CFAP20DC: variants seen among roughly 807,000 people sequenced by gnomAD.
CFAP20DC encodes protein CFAP20DC.
CFAP20DC carries 84 observed loss-of-function variants against 101.7 expected under a neutral mutation model. The ratio of observed to expected loss-of-function variants is 0.83; its 90% CI spans 0.69 to 0.99. The LOEUF is 0.99. Among genes scored for constraint, CFAP20DC ranks in the 50% least tolerant of loss-of-function variants. CFAP20DC has a pLI of 0.00. For missense variants in CFAP20DC, 1,007 were observed against 970.3 expected, an observed-to-expected ratio of 1.04 and a Z score of -0.50; for synonymous variants, 359 against 351.2, an observed-to-expected ratio of 1.02 and a Z score of -0.25.
At chr3:58,769,016 C>A (rs1253470863) in intron 15 of CFAP20DC, among the ~76,000 whole-genome samples, 1 of 152,174 alleles carries the variant, frequency 6.6e-6, no homozygotes, top group African/African-American at 2.4e-5. Context: ...CAAATGGAAC[C>A]GTATGAATAC....
chr3:59,028,180 C>T (rs2093926122), intron 4 of CFAP20DC, among the ~76,000 whole-genome samples: 1 of 152,134 alleles, frequency 6.6e-6, no homozygotes, highest in Non-Finnish European at 1.5e-5. Flanking sequence ...ACCTTATCCA[C>T]AGGCATATGA....
Position 58,866,467 on chromosome 3 carries a change from C to T in CFAP20DC, c.1258+99G>A, listed in dbSNP as rs573753073. The T allele has an allele frequency of 1.6e-5, 15 of 945,466 alleles. No homozygotes were observed. In the East Asian group the frequency reaches 1.9e-4, roughly 12 times the overall value. The allele number at this position is 945,466 out of a possible 1,614,324, so 58.6% of individuals were successfully genotyped here. A position where few individuals can be genotyped will look rare whatever the true frequency, so the allele number is the denominator to read the frequency against. Reference sequence around the variant, plus strand: ...CACAAACTTACACATTTTAGCAAATCGGCTGCATCACCACTTTTCAAAATG... The same window carrying T: ...CACAAACTTACACATTTTAGCAAATTGGCTGCATCACCACTTTTCAAAATG... On this transcript the variant is annotated intron_variant, in intron 11 of 16. Coordinates refer to ENST00000482387, the MANE Select transcript of CFAP20DC (RefSeq NM_001394063.1).
intron 12 of CFAP20DC, among the ~76,000 whole-genome samples, chr3:58,855,874 T>C (rs2078748952): frequency 6.7e-6 from 1 of 148,526 alleles, no homozygotes; most frequent in Admixed American, 6.7e-5. Context: ...TTGGGAGATA[T>C]ACCTAATGCT....
intron 4 of CFAP20DC, among the ~76,000 whole-genome samples, chr3:58,963,192 G>T (rs1390368648): frequency 2.0e-5 from 2 of 98,184 alleles, no homozygotes; most frequent in Non-Finnish European, 3.8e-5. Flanking sequence ...TCAGTAGTTT[G>T]TGTGTGTGTG....
intron 4 of CFAP20DC, among the ~76,000 whole-genome samples, chr3:59,036,335 T>C (rs111614189): frequency 0.012 from 1,789 of 152,190 alleles, 35 homozygotes; most frequent in African/African-American, 0.041. Flanking sequence ...GGTATTCAAA[T>C]AGGGAGAGAG....
At chr3:58,786,985 T>G (rs992240566) in intron 15 of CFAP20DC, among the ~76,000 whole-genome samples, 1 of 151,960 alleles carries the variant, frequency 6.6e-6, no homozygotes, top group Non-Finnish European at 1.5e-5. Context: ...ATCTGTCGTT[T>G]TAGACATCCA....
rs1477288260 is a variant in CFAP20DC at position 58,728,725 on chromosome 3, AC to A, written c.198-11098del. On this transcript the variant is annotated intron_variant, in intron 3 of 3. Coordinates refer to the CFAP20DC transcript ENST00000486145. The surrounding 1 kb of genome is among the most constrained non-coding windows in gnomAD (Gnocchi z 4.7). ...AACTCTACACACCGTATTGGAGAGA[AC>A]TGACATTTTAATAATATTGATTCTT... Among the ~76,000 whole-genome samples, 1 of 152,186 alleles carries A rather than the reference AC, an allele frequency of 6.6e-6. No homozygotes were observed. Among genetic ancestry groups the A allele is most frequent in the East Asian group, 1.9e-4 (1 of 5,202 alleles).
chr3:58,852,162 T>C (rs1321942907), intron 12 of CFAP20DC, among the ~76,000 whole-genome samples: 1 of 152,142 alleles, frequency 6.6e-6, no homozygotes, highest in Non-Finnish European at 1.5e-5. Context: ...AGGATCATAG[T>C]GGTAAAGCCA....
At chr3:58,784,389 G>A (rs1012854466) in intron 15 of CFAP20DC, among the ~76,000 whole-genome samples, 2 of 151,976 alleles carry the variant, frequency 1.3e-5, no homozygotes, top group Non-Finnish European at 2.9e-5. Flanking sequence ...AAGGGAGGGA[G>A]GCAAGGGTTA....
rs1455319137 is a variant in CFAP20DC at position 59,002,016 on chromosome 3, A to G, written c.278+37541T>C. Among the ~76,000 whole-genome samples, 4 of 152,228 alleles carry G rather than the reference A, an allele frequency of 2.6e-5. No homozygotes were observed. Among genetic ancestry groups the G allele is most frequent in the Non-Finnish European group, 4.4e-5 (3 of 68,040 alleles). The stretch of plus-strand genomic sequence containing the variant: ...CATTTTTTAATACCGGGTATATACT[A>G]AAATGCCGTGTGGTTGGCCACCATC... On this transcript the variant is annotated intron_variant, in intron 4 of 16. Transcript: ENST00000482387. This position sits in a 1 kb window ranked among gnomAD's most constrained non-coding sequence, Gnocchi z 4.5.
chr3:58,931,911 A>G (rs57137177), intron 5 of CFAP20DC, among the ~76,000 whole-genome samples: 2,735 of 152,370 alleles, frequency 0.018, 71 homozygotes, highest in African/African-American at 0.061. Flanking sequence ...GCAACGGAAC[A>G]AAGCTGGACG....
At chr3:58,751,323 G>A (rs938705016) in intron 16 of CFAP20DC, among the ~76,000 whole-genome samples, 4 of 152,214 alleles carry the variant, frequency 2.6e-5, no homozygotes, top group Non-Finnish European at 5.9e-5. Context: ...GTGGCAGACT[G>A]ATCTACTTAG....
chr3:58,927,021 T>A (rs2086062294), intron 5 of CFAP20DC, among the ~76,000 whole-genome samples: 2 of 152,350 alleles, frequency 1.3e-5, no homozygotes, highest in South Asian at 4.1e-4. Flanking sequence ...AGAAGTAAGA[T>A]TGATTCTAGT....
chr3:58,815,453 G>T (rs1419486049), intron 14 of CFAP20DC, among the ~76,000 whole-genome samples: 1 of 148,422 alleles, frequency 6.7e-6, no homozygotes, highest in African/African-American at 2.5e-5. Flanking sequence ...CATGGGCAAG[G>T]ACTTCATGTC....
At chr3:58,813,926 G>T (rs935774393) in intron 14 of CFAP20DC, among the ~76,000 whole-genome samples, 15 of 151,862 alleles carry the variant, frequency 9.9e-5, no homozygotes, top group Admixed American at 3.9e-4. Context: ...CAATTTGCAA[G>T]TGAAATTTGG....
Position 58,945,937 on chromosome 3 carries a change from G to A in CFAP20DC, c.279-8175C>T, listed in dbSNP as rs533005444. On this transcript the variant is annotated intron_variant, in intron 4 of 16. Coordinates refer to ENST00000482387, the MANE Select transcript of CFAP20DC (RefSeq NM_001394063.1). ...GTCTCAATCTCCTGACCTCGTGATC[G>A]GCCCACCTCGACCTCCCAAAGTGCT... Among the ~76,000 whole-genome samples, 96 of 150,810 alleles carry A rather than the reference G, an allele frequency of 6.4e-4. 2 individuals carry two copies. The South Asian group carries it at 0.019, about 30-fold the overall frequency.
At position 58,899,884 on chromosome 3, in the gene CFAP20DC, G is replaced by A. The variant is rs767214983; in HGVS notation, c.550+13824C>T. ...ACTTGCCACTTTCACTCCTCTCCAC[G>A]AGTGCTGCAGACCACAGCTGCTTTT... On this transcript the variant is annotated intron_variant, in intron 6 of 16. Transcript: ENST00000482387. The surrounding 1 kb of genome is among the most constrained non-coding windows in gnomAD (Gnocchi z 5.0). Among the ~76,000 whole-genome samples, 2 of 152,092 alleles carry A rather than the reference G, an allele frequency of 1.3e-5. No individual in the cohort carries two copies. The highest frequency in any genetic ancestry group is 2.4e-5 in the African/African-American group (1 of 41,412).
chr3:58,743,328 A>G (rs1302265073), intron 16 of CFAP20DC, among the ~76,000 whole-genome samples: 1 of 152,090 alleles, frequency 6.6e-6, no homozygotes, highest in Non-Finnish European at 1.5e-5. Flanking sequence ...TTATGTGTTC[A>G]GTGTTGTGCT....
rs536734500 is a variant in CFAP20DC at position 58,890,647 on chromosome 3, G to A, written c.551-5938C>T. ...TTCCCAGATGGGGTGGCTGCTGGGC[G>A]GAGGGGCTCCTCTTTTCAGACGGGG... On this transcript the variant is annotated intron_variant, in intron 6 of 16. Coordinates refer to ENST00000482387, the MANE Select transcript of CFAP20DC (RefSeq NM_001394063.1). 9.2e-4 allele frequency among the ~76,000 whole-genome samples: 137 copies of A among 149,318 alleles called. No individual in the cohort carries two copies. The East Asian group carries it at 0.013, about 14-fold the overall frequency.
Sources: allele counts gnomAD v4.1 joint callset (sites outside exome capture counted in the v4.1 genomes callset), GRCh38; gene constraint gnomAD v4.1.1; non-coding constraint Gnocchi (gnomAD v3.1); transcripts MANE v1.5; gene names NCBI Gene and HGNC (gene_info 2026-07-23, HGNC 2026-07-21).